The following SSBP2 variants were observed in gnomAD, a reference collection of about 807,000 sequenced individuals.
SSBP2 encodes the protein single stranded DNA binding protein 2, also known as single-stranded DNA-binding protein 2.
SSBP2 carries 17 observed loss-of-function variants against 61.8 expected under a neutral mutation model. That is an observed-to-expected ratio of 0.28 (90% confidence interval 0.19 to 0.41). The LOEUF is 0.41. Ranked by LOEUF, SSBP2 falls within the 10% of genes least tolerant of loss-of-function variation. SSBP2 has a pLI of 1.00. For missense variants in SSBP2, 310 were observed against 458.7 expected (o/e 0.68, Z 2.96); for synonymous variants, 139 against 141.3 (o/e 0.98, Z 0.12).
chr5:81,672,587 T>C (rs1316228626), intron 1 of SSBP2, among the ~76,000 whole-genome samples: 2 of 151,750 alleles, frequency 1.3e-5, no homozygotes, highest in Non-Finnish European at 2.9e-5. Flanking sequence ...TTTTTTTTTT[T>C]TGAGATGGAG....
chr5:81,608,473 A>AAAAT (rs1425134140), intron 4 of SSBP2, among the ~76,000 whole-genome samples: 1 of 152,170 alleles, frequency 6.6e-6, no homozygotes, highest in Non-Finnish European at 1.5e-5. Context: ...AATATGCTAA[A>AAAAT]AAATGACTAT....
At chr5:81,441,101 TAAATAA>T (rs1283880792) in intron 13 of SSBP2, among the ~76,000 whole-genome samples, 2 of 152,166 alleles carry the variant, frequency 1.3e-5, no homozygotes, top group African/African-American at 4.8e-5. Context: ...ATGGACATAA[TAAATAA>T]TTTCATCTTA....
intron 4 of SSBP2, among the ~76,000 whole-genome samples, chr5:81,613,117 G>T (rs1176795579): frequency 1.3e-5 from 2 of 152,018 alleles, no homozygotes; most frequent in Non-Finnish European, 2.9e-5. Flanking sequence ...AATCAGAGAT[G>T]TATTACCATG....
chr5:81,727,183 T>G (rs1166560251), intron 1 of SSBP2, among the ~76,000 whole-genome samples: 1 of 152,236 alleles, frequency 6.6e-6, no homozygotes, highest in East Asian at 1.9e-4. Flanking sequence ...CAAACCTTTC[T>G]AAGTCTGTTG....
chr5:81,664,372 C>T (rs374014676), intron 1 of SSBP2, among the ~76,000 whole-genome samples: 151 of 152,134 alleles, frequency 9.9e-4, no homozygotes, highest in African/African-American at 3.5e-3. Context: ...TCAAGTGATC[C>T]GCCCGCCTTG....
rs1265727730 is a variant in SSBP2, at chr5:81,712,620, AAAAAT to A, written c.62+38356_62+38360del. Among the ~76,000 whole-genome samples, 2 of 151,370 alleles carry A rather than the reference AAAAAT, an allele frequency of 1.3e-5. 1 individual carries two copies. Among genetic ancestry groups the A allele is most frequent in the African/African-American group, 4.9e-5 (2 of 41,126 alleles). On this transcript the variant is annotated intron_variant, in intron 1 of 16. Transcript: ENST00000320672. ...GAGACTCCGTCTCAAAAAAAAAAAA[AAAAAT>A]AAAGATTACAGATTTCTGGCTAAGG...
intron 4 of SSBP2, among the ~76,000 whole-genome samples, chr5:81,600,552 A>C (rs1744252675): frequency 2.4e-5 from 3 of 127,104 alleles, no homozygotes; most frequent in Non-Finnish European, 3.2e-5. Flanking sequence ...ACAGAGCAAG[A>C]CTCTGTCTCA....
intron 1 of SSBP2, among the ~76,000 whole-genome samples, chr5:81,693,888 T>C (rs562992032): frequency 1.3e-5 from 2 of 152,284 alleles, no homozygotes; most frequent in African/African-American, 4.8e-5. Context: ...CCCATATTTA[T>C]TGCAGCACCA....
intron 1 of SSBP2, among the ~76,000 whole-genome samples, chr5:81,716,635 TCTGATGTC>T (rs1194226017): frequency 1.3e-5 from 2 of 152,210 alleles, no homozygotes; most frequent in Non-Finnish European, 1.5e-5. Flanking sequence ...ATTAACCTTT[TCTGATGTC>T]CTTAAGTATT....
chr5:81,453,625 T>A (rs952179622), intron 10 of SSBP2, among the ~76,000 whole-genome samples: 1 of 151,750 alleles, frequency 6.6e-6, no homozygotes, highest in African/African-American at 2.4e-5. Flanking sequence ...CCTGGCTAAT[T>A]TTTTGTATTT....
Position 81,448,776 on chromosome 5 carries a change from C to G in SSBP2, c.723+14G>C, listed in dbSNP as rs201092545. On this transcript the variant is annotated intron_variant, in intron 11 of 16. Coordinates refer to ENST00000320672, the MANE Select transcript of SSBP2 (RefSeq NM_012446.5). ...CATCAATTCTTATAAGCAAACAAAC[C>G]CAAATGTACTTACTACATAATTCCC... 6.8e-4 allele frequency: 1,089 copies of G among 1,611,104 alleles called. 1 individual carries two copies. Among genetic ancestry groups the G allele is most frequent in the Non-Finnish European group, 8.5e-4 (1,005 of 1,178,458 alleles).
intron 1 of SSBP2, among the ~76,000 whole-genome samples, chr5:81,658,926 T>G (rs1175744646): frequency 1.3e-5 from 2 of 152,220 alleles, no homozygotes; most frequent in Non-Finnish European, 2.9e-5. Flanking sequence ...GCCACATGAT[T>G]ATCTCAACAG....
chr5:81,501,631 G>C lies in SSBP2; in HGVS notation c.372+11997C>G, dbSNP rs1389102206. On this transcript the variant is annotated intron_variant, in intron 5 of 16. Transcript: ENST00000320672. ...AGGCTGGAGTGTAGTGGCGTGATCTGGGCTCACTGCAAGCTCCGCCTCTCG... is the reference window on the plus strand; with the variant it reads ...AGGCTGGAGTGTAGTGGCGTGATCTCGGCTCACTGCAAGCTCCGCCTCTCG... Among the ~76,000 whole-genome samples the C allele has an allele frequency of 8.7e-5, 12 of 138,204 alleles. No individual in the cohort carries two copies. The South Asian group carries it at 2.8e-3, about 32-fold the overall frequency. 90.7% of individuals were successfully genotyped at this position (138,204 alleles called of 152,430 possible). A position where few individuals can be genotyped will look rare whatever the true frequency, so the allele number is the denominator to read the frequency against.
intron 4 of SSBP2, among the ~76,000 whole-genome samples, chr5:81,551,520 T>C (rs1228205525): frequency 6.6e-6 from 1 of 152,180 alleles, no homozygotes; most frequent in South Asian, 2.1e-4. Flanking sequence ...TCAGTCTTTC[T>C]CAATGGGAAG....
intron 3 of SSBP2, among the ~76,000 whole-genome samples, chr5:81,630,349 C>T (rs1021777643): frequency 1.3e-5 from 2 of 152,034 alleles, no homozygotes; most frequent in South Asian, 2.1e-4. Context: ...TAATGGCTAG[C>T]GAAACACAAT....
At chr5:81,583,698 C>T (rs1774858293) in intron 4 of SSBP2, among the ~76,000 whole-genome samples, 2 of 151,208 alleles carry the variant, frequency 1.3e-5, no homozygotes, top group African/African-American at 2.4e-5. Flanking sequence ...CCATTGTTGA[C>T]CCACTAGCTG....
At chr5:81,457,808 C>T (rs1037319413) in intron 10 of SSBP2, among the ~76,000 whole-genome samples, 1 of 151,964 alleles carries the variant, frequency 6.6e-6, no homozygotes, top group South Asian at 2.1e-4. Context: ...TTATAGGCGC[C>T]TGCTACCACA....
At chr5:81,495,451 T>C (rs1214670541) in intron 5 of SSBP2, among the ~76,000 whole-genome samples, 1 of 152,242 alleles carries the variant, frequency 6.6e-6, no homozygotes, top group African/African-American at 2.4e-5. Flanking sequence ...CTCGCTTTTC[T>C]CTGCCAAGTA....
At chr5:81,657,412 C>G (rs1750322034) in intron 1 of SSBP2, among the ~76,000 whole-genome samples, 1 of 152,084 alleles carries the variant, frequency 6.6e-6, no homozygotes, top group African/African-American at 2.4e-5. Context: ...AAGAAATGTT[C>G]ATAATTCATT....
Sources: allele counts gnomAD v4.1 joint callset (sites outside exome capture counted in the v4.1 genomes callset), GRCh38; gene constraint gnomAD v4.1.1; transcripts MANE v1.5; gene names NCBI Gene and HGNC (gene_info 2026-07-23, HGNC 2026-07-21).